Variants in TBC1D5 observed in about 807,000 individuals in gnomAD.
TBC1D5 encodes the protein TBC1 domain family member 5.
TBC1D5 carries 75 observed loss-of-function variants against 100.3 expected under a neutral mutation model. The ratio of observed to expected loss-of-function variants is 0.75; its 90% CI spans 0.62 to 0.91. The LOEUF (loss-of-function observed/expected upper bound fraction) is 0.91, where lower values mean the gene tolerates loss of function less well. Among genes scored for constraint, TBC1D5 ranks in the 40% least tolerant of loss-of-function variants. The pLI, the probability that TBC1D5 is intolerant of heterozygous loss-of-function variation, is 0.00. For synonymous variants in TBC1D5, 323 were observed against 325.6 expected (o/e 0.99, Z 0.09); for missense variants, 910 against 942.4 (o/e 0.97, Z 0.45).
At chr3:17,196,392 AAG>A (rs2070691003) in intron 18 of TBC1D5, among the ~76,000 whole-genome samples, 2 of 152,318 alleles carry the variant, frequency 1.3e-5, no homozygotes, top group African/African-American at 4.8e-5. Context: ...CTCTGGTCAG[AAG>A]AGACAGTGAA....
At chr3:17,689,174 G>A (rs1157640676) in intron 1 of TBC1D5, among the ~76,000 whole-genome samples, 2 of 152,086 alleles carry the variant, frequency 1.3e-5, no homozygotes, top group Admixed American at 6.5e-5. Context: ...CAAGTGCATG[G>A]AGTTGGCCAA....
intron 13 of TBC1D5, among the ~76,000 whole-genome samples, chr3:17,344,765 T>A (rs1262233208): frequency 6.6e-6 from 1 of 152,058 alleles, no homozygotes; most frequent in African/African-American, 2.4e-5. Context: ...TAACGCCACA[T>A]ATCTACAACT....
chr3:17,301,696 T>C (rs1002396538), intron 14 of TBC1D5, among the ~76,000 whole-genome samples: 5 of 152,152 alleles, frequency 3.3e-5, no homozygotes, highest in African/African-American at 7.2e-5. Context: ...TCTTATAGGA[T>C]TGCAAAGTGT....
chr3:17,214,813 C>G (rs1304604579), intron 17 of TBC1D5, among the ~76,000 whole-genome samples: 1 of 152,084 alleles, frequency 6.6e-6, no homozygotes, highest in Admixed American at 6.6e-5. Context: ...AGCATCTCTC[C>G]TCTTCCCTCT....
At chr3:17,512,037 G>C (rs974987409) in intron 2 of TBC1D5, among the ~76,000 whole-genome samples, 5 of 151,834 alleles carry the variant, frequency 3.3e-5, no homozygotes, top group African/African-American at 1.2e-4. Flanking sequence ...AATATAAAGA[G>C]CTATTTTAGC....
chr3:17,201,017 T>C (rs1382940620), intron 18 of TBC1D5, among the ~76,000 whole-genome samples: 1 of 152,220 alleles, frequency 6.6e-6, no homozygotes, highest in Non-Finnish European at 1.5e-5. Flanking sequence ...GTCAAAAGAA[T>C]TATTTGTTTT....
At chr3:17,346,716 G>A (rs1177156436) in intron 13 of TBC1D5, among the ~76,000 whole-genome samples, 1 of 151,974 alleles carries the variant, frequency 6.6e-6, no homozygotes, top group African/African-American at 2.4e-5. Context: ...TTCCTTTCAC[G>A]TTTAATTCTT....
At chr3:17,653,535 T>C (rs1215748765) in intron 1 of TBC1D5, among the ~76,000 whole-genome samples, 2 of 151,862 alleles carry the variant, frequency 1.3e-5, no homozygotes, top group East Asian at 1.9e-4. Context: ...CTGAAGGTCA[T>C]GAAAGACAAG....
intron 1 of TBC1D5, among the ~76,000 whole-genome samples, chr3:17,651,812 T>C (rs564255643): frequency 6.6e-6 from 1 of 152,164 alleles, no homozygotes; most frequent in South Asian, 2.1e-4. Flanking sequence ...AGGTCAGGAG[T>C]TCTGTTCTAG....
At chr3:17,711,836 C>T (rs1048727088) in intron 1 of TBC1D5, among the ~76,000 whole-genome samples, 2 of 152,160 alleles carry the variant, frequency 1.3e-5, no homozygotes, top group Non-Finnish European at 2.9e-5. Flanking sequence ...GAACATATCT[C>T]CCAGTGCACA....
chr3:17,720,142 GCT>G (rs1171915702), intron 1 of TBC1D5, among the ~76,000 whole-genome samples: 1 of 152,006 alleles, frequency 6.6e-6, no homozygotes, highest in Non-Finnish European at 1.5e-5. Flanking sequence ...AAGCCGTGTC[GCT>G]CTTTTTACCC....
intron 14 of TBC1D5, among the ~76,000 whole-genome samples, chr3:17,300,219 C>T (rs2082690146): frequency 6.6e-6 from 1 of 152,118 alleles, no homozygotes; most frequent in African/African-American, 2.4e-5. Flanking sequence ...CATTTTATGT[C>T]TCAGAAGGAA....
intron 17 of TBC1D5, among the ~76,000 whole-genome samples, chr3:17,222,278 G>C (rs2074372418): frequency 6.6e-6 from 1 of 151,848 alleles, no homozygotes; most frequent in South Asian, 2.1e-4. Flanking sequence ...TCAGGGTTTT[G>C]GTAATTGGCA....
At chr3:17,236,924 T>C (rs1285572744) in intron 17 of TBC1D5, among the ~76,000 whole-genome samples, 2 of 152,168 alleles carry the variant, frequency 1.3e-5, no homozygotes, top group Non-Finnish European at 2.9e-5. Flanking sequence ...CGCATGGGTG[T>C]GTGCATGTGT....
At chr3:17,623,682 C>T (rs916898281) in intron 2 of TBC1D5, 167 bp downstream of exon 2, 6 of 152,154 alleles carry the variant, frequency 3.9e-5, no homozygotes, top group African/African-American at 1.4e-4. Context: ...TAGGCCCTGC[C>T]CCCAACCAAA....
intron 14 of TBC1D5, among the ~76,000 whole-genome samples, chr3:17,306,027 T>C (rs1218534331): frequency 6.6e-6 from 1 of 152,234 alleles, no homozygotes; most frequent in Non-Finnish European, 1.5e-5. Flanking sequence ...AACCTGCGGC[T>C]AGTCTCTCTC....
chr3:17,287,265 C>T (rs1410671149), intron 15 of TBC1D5, among the ~76,000 whole-genome samples: 1 of 152,136 alleles, frequency 6.6e-6, no homozygotes, highest in East Asian at 1.9e-4. Flanking sequence ...GAAATCAATT[C>T]TATCATTATT....
intron 3 of TBC1D5, among the ~76,000 whole-genome samples, chr3:17,472,397 C>G (rs2095387922): frequency 6.6e-6 from 1 of 152,108 alleles, no homozygotes; most frequent in African/African-American, 2.4e-5. Context: ...CTCAGCCTCC[C>G]AAAGTGCGCG....
At chr3:17,499,090 C>T (rs2095751872) in intron 3 of TBC1D5, among the ~76,000 whole-genome samples, 1 of 152,130 alleles carries the variant, frequency 6.6e-6, no homozygotes, top group Admixed American at 6.5e-5. Flanking sequence ...TCTTGCATTC[C>T]TCTTATCCTC....
Sources: gnomAD v4.1 joint callset for allele counts (sites outside exome capture counted in the v4.1 genomes callset) on GRCh38, gnomAD v4.1.1 for gene constraint, MANE v1.5 for transcripts, NCBI Gene and HGNC (gene_info 2026-07-23, HGNC 2026-07-21) for gene names.